The following PPFIA1 variants were observed in gnomAD, a reference collection of about 807,000 sequenced individuals.
PPFIA1 encodes liprin-alpha-1.
A neutral mutation model predicts 149.9 loss-of-function variants in PPFIA1; 25 were observed. The ratio of observed to expected loss-of-function variants is 0.17; its 90% confidence interval spans 0.12 to 0.23. The LOEUF is 0.23. Among genes scored for constraint, PPFIA1 ranks in the 10% least tolerant of loss-of-function variants. The pLI is 1.00. For synonymous variants in PPFIA1, 549 were observed against 552.8 expected (o/e 0.99, Z 0.10); for missense variants, 1,362 against 1,506.5 (o/e 0.90, Z 1.59).
chr11:70,350,406 A>G (rs1357613374), intron 16 of PPFIA1, among the ~76,000 whole-genome samples: 2 of 152,236 alleles, frequency 1.3e-5, no homozygotes, highest in Non-Finnish European at 2.9e-5. Context: ...TTAAATTAAA[A>G]TATCTTATGT....
chr11:70,293,265 C>T (rs933252521), intron 2 of PPFIA1, among the ~76,000 whole-genome samples: 1 of 152,208 alleles, frequency 6.6e-6, no homozygotes, highest in African/African-American at 2.4e-5. Flanking sequence ...GTTTTTTTCC[C>T]CTTCTTCATT....
At chr11:70,274,485 T>A (rs181144684) in intron 2 of PPFIA1, among the ~76,000 whole-genome samples, 5 of 152,342 alleles carry the variant, frequency 3.3e-5, no homozygotes, top group African/African-American at 9.6e-5. Flanking sequence ...TGATTACTTT[T>A]GCCTGTTCTT....
chr11:70,318,238 C>T (rs1036595748), intron 2 of PPFIA1, among the ~76,000 whole-genome samples: 13 of 152,226 alleles, frequency 8.5e-5, no homozygotes, highest in African/African-American at 2.7e-4. Flanking sequence ...CTTCTCCTCT[C>T]CTATCTTCCC....
chr11:70,332,825 T>G (rs780438167), intron 9 of PPFIA1, among the ~76,000 whole-genome samples: 6 of 152,212 alleles, frequency 3.9e-5, no homozygotes, highest in Non-Finnish European at 5.9e-5. Flanking sequence ...TGAGTCTTCT[T>G]GCTCAAGCTT....
intron 21 of PPFIA1, among the ~76,000 whole-genome samples, chr11:70,368,975 A>G (rs1178606219): frequency 6.8e-6 from 1 of 147,330 alleles, no homozygotes; most frequent in Non-Finnish European, 1.5e-5. Context: ...TTTTTTAAAG[A>G]GACAGGGTCT....
rs763082529 is a variant in PPFIA1, at chr11:70,376,639, G to C, written c.3384+39G>C. On this transcript the variant is annotated intron_variant, in intron 25 of 27. Transcript: ENST00000253925. Reference sequence around the variant, plus strand: ...CTAATGTTCTTTAAATGTCTGAAATGTGTGTAAATGTTTAAATGTGTGTGA... The same window carrying C: ...CTAATGTTCTTTAAATGTCTGAAATCTGTGTAAATGTTTAAATGTGTGTGA... The C allele has an allele frequency of 5.5e-6, 8 of 1,461,440 alleles. No individual in the cohort carries two copies. In the South Asian group the frequency reaches 9.1e-5, roughly 17 times the overall value. The allele number at this position is 1,461,440 out of a possible 1,614,324, so 90.5% of individuals were successfully genotyped here.
intron 2 of PPFIA1, among the ~76,000 whole-genome samples, chr11:70,288,918 C>T (rs953256438): frequency 2.6e-5 from 4 of 151,118 alleles, no homozygotes; most frequent in Non-Finnish European, 5.9e-5. Flanking sequence ...ATTTAGAAAT[C>T]AGCATTTGGG....
At chr11:70,280,720 A>G (rs1201216272) in intron 2 of PPFIA1, among the ~76,000 whole-genome samples, 1 of 152,136 alleles carries the variant, frequency 6.6e-6, no homozygotes, top group East Asian at 1.9e-4. Flanking sequence ...GGTATGTGCC[A>G]CTGTGCCCAG....
At chr11:70,333,217 T>C in intron 9 of PPFIA1, 1 of 565,222 alleles carries the variant, frequency 1.8e-6, no homozygotes, top group South Asian at 1.7e-5. Flanking sequence ...GGCATAGGGG[T>C]TGGGGGGAAA....
In PPFIA1 at chr11:70,378,038, T is replaced by C; in HGVS notation, c.3393T>C (p.Asp1131=). The change falls in exon 26 of 28, where the codon GAT becomes GAC. Residue 1131 remains aspartate (D), a synonymous_variant. Coordinates refer to ENST00000253925, the MANE Select transcript of PPFIA1 (RefSeq NM_003626.5). ...GTDRRFDEDD[D]KSFRRAPSWR... ...GTTCCTTAATTTACCAGGATGATGA[T>C]AAAAGCTTTAGGAGAGCACCTTCAT... is the stretch of plus-strand genomic sequence containing the variant. The C allele has an allele frequency of 1.2e-6, 2 of 1,600,946 alleles. No individual in the cohort carries two copies. Among genetic ancestry groups the C allele is most frequent in the Non-Finnish European group, 8.5e-7 (1 of 1,172,312 alleles).
chr11:70,349,306 G>C (rs969790718), intron 16 of PPFIA1, among the ~76,000 whole-genome samples: 3 of 152,192 alleles, frequency 2.0e-5, no homozygotes, highest in Non-Finnish European at 4.4e-5. Context: ...TTTGGTGTTT[G>C]CAAAGTGTGC....
chr11:70,271,426 A>G (rs1400045989), intron 1 of PPFIA1: 1 of 152,190 alleles, frequency 6.6e-6, no homozygotes, highest in Non-Finnish European at 1.5e-5. Flanking sequence ...TTTATATCCC[A>G]GACACTTAAT....
intron 26 of PPFIA1, among the ~76,000 whole-genome samples, chr11:70,379,275 G>A (rs556631099): frequency 6.6e-6 from 1 of 151,778 alleles, no homozygotes; most frequent in African/African-American, 2.4e-5. Context: ...CCAACATGGC[G>A]AAACCCCGTC....
intron 19 of PPFIA1, 149 bp downstream of exon 19, chr11:70,356,403 C>G: frequency 1.5e-6 from 1 of 659,698 alleles, no homozygotes; most frequent in Non-Finnish European, 2.6e-6. Flanking sequence ...GCCGTACTTT[C>G]TGGAAGATTT....
At chr11:70,290,304 G>A (rs1454211246) in intron 2 of PPFIA1, among the ~76,000 whole-genome samples, 2 of 152,170 alleles carry the variant, frequency 1.3e-5, no homozygotes, top group South Asian at 2.1e-4. Context: ...TTGTAAAAAT[G>A]TAAACTCAGA....
chr11:70,297,283 C>T (rs2052129900), intron 2 of PPFIA1, among the ~76,000 whole-genome samples: 1 of 152,082 alleles, frequency 6.6e-6, no homozygotes, highest in East Asian at 1.9e-4. Flanking sequence ...GTGGTGCGTG[C>T]TTGTAGTCCC....
intron 2 of PPFIA1, among the ~76,000 whole-genome samples, chr11:70,317,389 T>C (rs921751961): frequency 6.6e-6 from 1 of 152,212 alleles, no homozygotes; most frequent in Non-Finnish European, 1.5e-5. Flanking sequence ...TTTCAGTTGT[T>C]GGATTCTTCT....
At chr11:70,369,661 G>A (rs1479380248) in intron 21 of PPFIA1, among the ~76,000 whole-genome samples, 2 of 152,210 alleles carry the variant, frequency 1.3e-5, no homozygotes, top group Non-Finnish European at 2.9e-5. Context: ...ATAGAGATAC[G>A]TGTTACCTGT....
At chr11:70,335,786 T>A in intron 11 of PPFIA1, 92 bp downstream of exon 11, 2 of 1,426,912 alleles carry the variant, frequency 1.4e-6, no homozygotes, top group Non-Finnish European at 1.9e-6. Flanking sequence ...TAACAGTGGT[T>A]AGCAGCTGTT....
Sources: allele counts gnomAD v4.1 joint callset (sites outside exome capture counted in the v4.1 genomes callset), GRCh38; gene constraint gnomAD v4.1.1; transcripts MANE v1.5; gene names NCBI Gene and HGNC (gene_info 2026-07-23, HGNC 2026-07-21).